Variants in SPIN1 observed in about 807,000 individuals in gnomAD.
The protein encoded by SPIN1 is spindlin-1.
SPIN1 carries 3 observed loss-of-function variants against 26.0 expected under a neutral mutation model. The observed-to-expected ratio is 0.12, with a 90% confidence interval of 0.05 to 0.30. SPIN1 has a LOEUF of 0.30. Among genes scored for constraint, SPIN1 ranks in the 10% least tolerant of loss-of-function variants. SPIN1 has a pLI of 1.00. For synonymous variants in SPIN1, 101 were observed against 116.5 expected (o/e 0.87, Z 0.86); for missense variants, 126 against 333.4 (o/e 0.38, Z 4.84).
At chr9:88,427,525 A>AG (rs1159309853) in intron 2 of SPIN1, among the ~76,000 whole-genome samples, 1 of 152,192 alleles carries the variant, frequency 6.6e-6, no homozygotes, top group African/African-American at 2.4e-5. Flanking sequence ...AGCTGTATAA[A>AG]GATGGGCACA....
At chr9:88,443,456 TG>T (rs1198501997) in intron 2 of SPIN1, among the ~76,000 whole-genome samples, 1 of 152,232 alleles carries the variant, frequency 6.6e-6, no homozygotes, top group Non-Finnish European at 1.5e-5. Flanking sequence ...TATTCTTTCA[TG>T]TTGTCTGTAT....
chr9:88,388,776 C>G (rs1469422031), intron 1 of SPIN1, among the ~76,000 whole-genome samples: 6 of 149,990 alleles, frequency 4.0e-5, no homozygotes, highest in Non-Finnish European at 7.5e-5. Context: ...CCGGCCCCTA[C>G]TCCTCCGTGC....
chr9:88,428,130 C>A lies in SPIN1; in HGVS notation c.52+1539C>A, dbSNP rs147126339. Among the ~76,000 whole-genome samples the A allele has an allele frequency of 7.3e-3, 1,118 of 152,250 alleles. 12 individuals are homozygous for A. The highest frequency in any genetic ancestry group is 0.025 in the African/African-American group (1,047 of 41,544). On this transcript the variant is annotated intron_variant, in intron 2 of 5. Coordinates refer to ENST00000375859, the MANE Select transcript of SPIN1 (RefSeq NM_006717.3). The stretch of plus-strand genomic sequence containing the variant: ...AAATAGTAATTCCTTTTCTAAAGTT[C>A]ATATATGTACAGCATACAGCATTCC...
At chr9:88,472,115 A>G (rs998919680) in intron 5 of SPIN1, among the ~76,000 whole-genome samples, 6 of 152,050 alleles carry the variant, frequency 3.9e-5, no homozygotes. Flanking sequence ...TTTCTTTTTC[A>G]GGAGTGTTTT....
chr9:88,412,166 G>T (rs1033325599), intron 1 of SPIN1, among the ~76,000 whole-genome samples: 1 of 151,980 alleles, frequency 6.6e-6, no homozygotes, highest in Admixed American at 6.6e-5. Flanking sequence ...GTGACTGAGC[G>T]AGACTGCATC....
intron 2 of SPIN1, among the ~76,000 whole-genome samples, chr9:88,444,691 CTTTTTT>C (rs1226379698): frequency 1.6e-5 from 2 of 123,066 alleles, no homozygotes; most frequent in Non-Finnish European, 1.7e-5. Flanking sequence ...CTTTTCTTTT[CTTTTTT>C]TTTTTTTTTT....
intron 3 of SPIN1, among the ~76,000 whole-genome samples, chr9:88,452,072 TA>T (rs1422582671): frequency 1.3e-5 from 2 of 152,234 alleles, no homozygotes; most frequent in African/African-American, 4.8e-5. Context: ...TAGAATCTAC[TA>T]AACACTAAAT....
At chr9:88,451,524 A>C (rs990733025) in intron 3 of SPIN1, among the ~76,000 whole-genome samples, 5 of 151,894 alleles carry the variant, frequency 3.3e-5, no homozygotes, top group African/African-American at 1.2e-4. Context: ...ATGATTTGGG[A>C]CAAACATTTG....
chr9:88,410,594 T>G, intron 1 of SPIN1: 1 of 902,938 alleles, frequency 1.1e-6, no homozygotes, highest in Non-Finnish European at 1.8e-6. Flanking sequence ...CCACCGTGGT[T>G]TCATGGTTTG....
At chr9:88,414,022 T>C (rs1188565189) in intron 1 of SPIN1, among the ~76,000 whole-genome samples, 2 of 131,416 alleles carry the variant, frequency 1.5e-5, no homozygotes, top group Non-Finnish European at 3.0e-5. Context: ...ACTTATAGTT[T>C]ATTATAGCAA....
chr9:88,399,249 G>A (rs549642129), intron 1 of SPIN1, among the ~76,000 whole-genome samples: 1 of 151,988 alleles, frequency 6.6e-6, no homozygotes, highest in Non-Finnish European at 1.5e-5. Flanking sequence ...GGCCAGGCTG[G>A]TCTTGAACTC....
At chr9:88,436,065 A>G (rs1262657866) in intron 2 of SPIN1, among the ~76,000 whole-genome samples, 1 of 151,986 alleles carries the variant, frequency 6.6e-6, no homozygotes, top group African/African-American at 2.4e-5. Context: ...TTCAATATTG[A>G]CAATATTACT....
At position 88,441,414 on chromosome 9, in the gene SPIN1, T is replaced by TGTGTGTGTGTGTGTGTGTGC; in HGVS notation, c.53-7526_53-7525insTGTGTGTGTGTGTGTGTGCG. ...GCTGCCATTCGTGTGTGTGTGTGTG[T>TGTGTGTGTGTGTGTGTGTGC]GCGCGCGCGCGCGCCCATGTGTGTG... On this transcript the variant is annotated intron_variant, in intron 2 of 5. Transcript: ENST00000375859. Among the ~76,000 whole-genome samples, 58 of 141,264 alleles carry TGTGTGTGTGTGTGTGTGTGC rather than the reference T, an allele frequency of 4.1e-4. 2 individuals carry two copies. The South Asian group carries it at 4.1e-3, about 10-fold the overall frequency. The allele number at this position is 141,264 out of a possible 152,430, so 92.7% of individuals were successfully genotyped here. A position where few individuals can be genotyped will look rare whatever the true frequency, so the allele number is the denominator to read the frequency against.
intron 2 of SPIN1, among the ~76,000 whole-genome samples, chr9:88,433,897 T>A (rs1267204946): frequency 2.0e-5 from 3 of 151,958 alleles, no homozygotes; most frequent in Non-Finnish European, 4.4e-5. Context: ...AAAACCAGTT[T>A]TTTGTTTTTT....
intron 5 of SPIN1, among the ~76,000 whole-genome samples, chr9:88,472,405 T>C (rs749944111): frequency 5.3e-5 from 8 of 151,848 alleles, no homozygotes; most frequent in Non-Finnish European, 8.8e-5. Context: ...TAGCTCATTT[T>C]TGTATTTTAG....
At chr9:88,449,523 C>G (rs1477331596) in intron 3 of SPIN1, among the ~76,000 whole-genome samples, 1 of 152,134 alleles carries the variant, frequency 6.6e-6, no homozygotes, top group Non-Finnish European at 1.5e-5. Context: ...CGTAAACTGA[C>G]AGTGTGTTCT....
intron 2 of SPIN1, among the ~76,000 whole-genome samples, chr9:88,433,349 C>T (rs924493188): frequency 5.9e-5 from 9 of 152,218 alleles, no homozygotes; most frequent in East Asian, 1.9e-4. Context: ...TCCCTAAGTG[C>T]TGGGACTACA....
rs149049973 is a variant in SPIN1, at chr9:88,444,848, G to A, written c.53-4093G>A. On this transcript the variant is annotated intron_variant, in intron 2 of 5. Coordinates refer to ENST00000375859, the MANE Select transcript of SPIN1 (RefSeq NM_006717.3). ...TGGGACTACAGGTGACCACCAGCAC[G>A]CCCGGCTAATTTTTTTGTATTTTTA... is the stretch of plus-strand genomic sequence containing the variant. Among the ~76,000 whole-genome samples, 133 of 151,816 alleles carry A rather than the reference G, an allele frequency of 8.8e-4. 2 individuals carry two copies. The South Asian group carries it at 0.013, about 15-fold the overall frequency.
rs4877445 is a variant in SPIN1, at chr9:88,451,780, C to T, written c.101+2791C>T. 4.1e-3 allele frequency among the ~76,000 whole-genome samples: 617 copies of T among 152,196 alleles called. 5 individuals are homozygous for T. The highest frequency in any genetic ancestry group is 0.012 in the African/African-American group (504 of 41,500). On this transcript the variant is annotated intron_variant, in intron 3 of 5. Transcript: ENST00000375859. ...TTCACTGTGTTGGCCAGGCTGGTCT[C>T]GAACTCCTGACTTCAAGTGATCCAC... is the stretch of plus-strand genomic sequence containing the variant.
Sources: gnomAD v4.1 joint callset for allele counts (sites outside exome capture counted in the v4.1 genomes callset) on GRCh38, gnomAD v4.1.1 for gene constraint, MANE v1.5 for transcripts, NCBI Gene and HGNC (gene_info 2026-07-23, HGNC 2026-07-21) for gene names.